SMC4: variants seen among roughly 807,000 people sequenced by gnomAD.
SMC4 encodes structural maintenance of chromosomes 4, also known as structural maintenance of chromosomes protein 4.
Under a neutral mutation model 145.6 loss-of-function variants are expected in SMC4, and 87 were observed. The ratio of observed to expected loss-of-function variants is 0.60; its 90% CI spans 0.50 to 0.71. The LOEUF (loss-of-function observed/expected upper bound fraction) is 0.71, where lower values mean the gene tolerates loss of function less well. Ranked by LOEUF, SMC4 falls within the 30% of genes least tolerant of loss-of-function variation. The pLI is 0.00. For missense variants in SMC4, 1,447 were observed against 1,537.1 expected (o/e 0.94, Z 0.98); for synonymous variants, 558 against 500.7 (o/e 1.11, Z -1.53).
chr3:160,430,664 A>T lies in SMC4; in HGVS notation c.2861A>T (p.Glu954Val), dbSNP rs534719328. 1 of 1,613,724 alleles carries T rather than the reference A, an allele frequency of 6.2e-7. No homozygotes were observed. The highest frequency in any genetic ancestry group is 8.5e-7 in the Non-Finnish European group (1 of 1,179,798). Reference protein sequence around the residue: ...TEKEIKDTEKEVDDLTAELKS... With the variant: ...TEKEIKDTEKVVDDLTAELKS... ...AAAGAAATAAAAGATACTGAGAAAG[A>T]GGTGGATGACCTAACAGCAGAGCTG... The change falls in exon 19 of 24, where the codon GAG (glutamate) becomes GTG (valine). Residue 954 changes from glutamate to valine, a missense_variant. Glu to Val is a moderately radical substitution (Grantham distance 121, BLOSUM62 -2). Transcript: ENST00000357388.
chr3:160,400,543 G>C (rs1714452401), intron 1 of SMC4: 1 of 388,560 alleles, frequency 2.6e-6, no homozygotes, highest in South Asian at 4.8e-5. Context: ...CGGGTGGAGA[G>C]CCTTAAAAAC....
In SMC4 at chr3:160,402,015, TC is replaced by T. The variant is rs1356563652; in HGVS notation, c.241del (p.Arg81GlyfsTer3). The T allele has an allele frequency of 3.7e-6, 6 of 1,602,286 alleles. No individual in the cohort carries two copies. Among genetic ancestry groups the T allele is most frequent in the Non-Finnish European group, 4.3e-6 (5 of 1,175,242 alleles). The part of the protein sequence containing the change: ...PAMTNEAGAP[R>X]LMITHIVNQN... The stretch of plus-strand genomic sequence containing the variant: ...CAATGACCAATGAAGCTGGAGCTCC[TC>T]GGCTTATGATAACTCATATTGTAAA... On this transcript the variant is annotated frameshift_variant, in exon 3 of 24. Coordinates refer to ENST00000357388, the MANE Select transcript of SMC4 (RefSeq NM_001002800.3). LOFTEE classifies it high-confidence loss of function.
chr3:160,410,285 G>C lies in SMC4; in HGVS notation c.688-1635G>C, dbSNP rs115573944. On this transcript the variant is annotated intron_variant, in intron 5 of 23. Coordinates refer to ENST00000357388, the MANE Select transcript of SMC4 (RefSeq NM_001002800.3). ...AAAGCATCTTATAATGCCCAGCATA[G>C]CTCTCCACAACAAAGAATATCCAGC... is the stretch of plus-strand genomic sequence containing the variant. Among the ~76,000 whole-genome samples the C allele has an allele frequency of 5.5e-3, 830 of 152,264 alleles. 7 individuals are homozygous for C. Among genetic ancestry groups the C allele is most frequent in the African/African-American group, 0.019 (803 of 41,550 alleles).
intron 17 of SMC4, among the ~76,000 whole-genome samples, chr3:160,427,513 T>C (rs1009034684): frequency 6.6e-6 from 1 of 152,204 alleles, no homozygotes; most frequent in African/African-American, 2.4e-5. Flanking sequence ...AATGTATATC[T>C]GTGCTATTAA....
chr3:160,420,897 A>G lies in SMC4; in HGVS notation c.2015A>G (p.Asp672Gly). The change falls in exon 13 of 24, where the codon GAT becomes GGT. Residue 672 changes from aspartate to glycine, a missense_variant. Transcript: ENST00000357388. ...GGAGTTGCAACCTTTATAGGTTTAG[A>G]TAAGGTGGGTATTCGTAATAACCTA... is the stretch of plus-strand genomic sequence containing the variant. ...NIGVATFIGL[D>G]KMAVWAKKMT... is the part of the protein sequence containing the mutation. 6.2e-7 allele frequency: 1 copy of G among 1,601,278 alleles called. No homozygotes were observed. The highest frequency in any genetic ancestry group is 8.5e-7 in the Non-Finnish European group (1 of 1,174,914).
intron 15 of SMC4, among the ~76,000 whole-genome samples, chr3:160,424,446 C>A (rs59799252): frequency 0.046 from 6,935 of 152,216 alleles, 222 homozygotes; most frequent in Middle Eastern, 0.078. Context: ...CAAGAAATTA[C>A]TTGACCATCT....
At chr3:160,431,603 AT>A (rs1718414085) in intron 20 of SMC4, 39 bp from the exon 21 acceptor site, 2 of 1,429,368 alleles carry the variant, frequency 1.4e-6, no homozygotes, top group Admixed American at 4.7e-5. Flanking sequence ...TGTATGTAAT[AT>A]TATGCCTTCT....
rs1714488940 is a variant in SMC4, at chr3:160,400,689, GA to G, written c.-5-131del. 11 of 1,177,348 alleles carry G rather than the reference GA, an allele frequency of 9.3e-6. No individual in the cohort carries two copies. In the East Asian group the frequency reaches 3.5e-4, roughly 38 times the overall value. The allele number at this position is 1,177,348 out of a possible 1,614,324, so 72.9% of individuals were successfully genotyped here. A position where few individuals can be genotyped will look rare whatever the true frequency, so the allele number is the denominator to read the frequency against. ...CGTGTCTTTCGATGGCTCCCTTCCC[GA>G]AGTCCCGCTGCCTCTAAGCGGAGTG... On this transcript the variant is annotated intron_variant, in intron 1 of 23. Transcript: ENST00000357388.
In SMC4 at chr3:160,404,340, T is replaced by A. The variant is rs906892984; in HGVS notation, c.523T>A (p.Tyr175Asn). The A allele has an allele frequency of 6.2e-7, 1 of 1,604,460 alleles. No homozygotes were observed. Among genetic ancestry groups the A allele is most frequent in the Non-Finnish European group, 8.5e-7 (1 of 1,177,502 alleles). Residue 175 changes from tyrosine (Y) to asparagine (N), a missense_variant, in exon 5 of 24, where the codon TAT (tyrosine) becomes AAT (asparagine). By Grantham distance (143) the Tyr-to-Asn change is moderately radical (BLOSUM62 -2). Coordinates refer to ENST00000357388, the MANE Select transcript of SMC4 (RefSeq NM_001002800.3). ...QKIIDKEGDD[Y>N]EVIPNSNFYV... ...TTCCTCAAAACAGGAAGGGGATGATTATGAAGTCATTCCTAACAGTAATTT... is the reference window on the plus strand; with the variant it reads ...TTCCTCAAAACAGGAAGGGGATGATAATGAAGTCATTCCTAACAGTAATTT...
In SMC4 at chr3:160,433,971, C is replaced by G; in HGVS notation, c.*162C>G. ...TTTGTAAAGTCTAATAAAATATTCT[C>G]TATAATTGCTTCTAGATTACAAAAA... On this transcript the variant is annotated 3_prime_UTR_variant, in exon 24 of 24. Transcript: ENST00000357388. 2.0e-6 allele frequency: 1 copy of G among 494,942 alleles called. No homozygotes were observed. Among genetic ancestry groups the G allele is most frequent in the Non-Finnish European group, 3.5e-6 (1 of 284,124 alleles). 30.7% of individuals were successfully genotyped at this position (494,942 alleles called of 1,614,324 possible).
At position 160,423,600 on chromosome 3, in the gene SMC4, A is replaced by G. The variant is rs1161073664; in HGVS notation, c.2195A>G (p.Asp732Gly). The change falls in exon 14 of 24, where the codon GAT becomes GGT. Residue 732 changes from aspartate (D) to glycine (G), a missense_variant. Transcript: ENST00000357388. ...GCCACAAGAGTAGCATATCAAAAAGATAGAAGATGGAGAGTGGTAACTTTA... is the reference window on the plus strand; with the variant it reads ...GCCACAAGAGTAGCATATCAAAAAGGTAGAAGATGGAGAGTGGTAACTTTA... ...DQATRVAYQK[D>G]RRWRVVTLQG... 1 of 1,613,782 alleles carries G rather than the reference A, an allele frequency of 6.2e-7. No homozygotes were observed. Among genetic ancestry groups the G allele is most frequent in the South Asian group, 1.1e-5 (1 of 91,072 alleles).
At chr3:160,413,199 G>A (rs1160123907) in intron 7 of SMC4, among the ~76,000 whole-genome samples, 1 of 151,842 alleles carries the variant, frequency 6.6e-6, no homozygotes, top group African/African-American at 2.4e-5. Flanking sequence ...GCCCAAGCTG[G>A]TCTCAAACTT....
At chr3:160,404,763 G>A (rs748289135) in intron 5 of SMC4, 22 of 620,494 alleles carry the variant, frequency 3.5e-5, no homozygotes, top group Admixed American at 2.2e-4. Flanking sequence ...CTAGCAGCAC[G>A]TAAATATTGG....
chr3:160,426,278 G>C, intron 17 of SMC4, 78 bp downstream of exon 17: 1 of 1,054,706 alleles, frequency 9.5e-7, no homozygotes, highest in Non-Finnish European at 1.4e-6. Context: ...AGAAGCAGTA[G>C]AATAATAATA....
intron 6 of SMC4, 99 bp downstream of exon 6, chr3:160,412,183 G>C: frequency 7.0e-7 from 1 of 1,421,054 alleles, no homozygotes; most frequent in South Asian, 1.4e-5. Flanking sequence ...ACTTAATGAA[G>C]AAGTGTTATA....
intron 9 of SMC4, among the ~76,000 whole-genome samples, 191 bp from the exon 10 acceptor site, chr3:160,416,060 A>G (rs1716544303): frequency 1.3e-5 from 2 of 152,206 alleles, no homozygotes; most frequent in East Asian, 1.9e-4. Flanking sequence ...TAGTTTTACT[A>G]TTAGATTGAG....
At position 160,430,605 on chromosome 3, in the gene SMC4, T is replaced by G; in HGVS notation, c.2802T>G (p.Leu934=). The change falls in exon 19 of 24, where the codon CTT becomes CTG. Residue 934 remains leucine, a synonymous_variant. Transcript: ENST00000357388. ...QVAIKTADRN[L]QKAQDSVLRT... ...CATCATTTTGCTTCTTTAGAAACCT[T>G]CAAAAGGCACAAGACTCTGTCTTGC... 6.3e-7 allele frequency: 1 copy of G among 1,581,800 alleles called. No individual in the cohort carries two copies. The highest frequency in any genetic ancestry group is 8.6e-7 in the Non-Finnish European group (1 of 1,167,386).
chr3:160,434,015 A>G lies in SMC4; in HGVS notation c.*206A>G. 2.5e-6 allele frequency: 1 copy of G among 396,990 alleles called. No individual in the cohort carries two copies. Among genetic ancestry groups the G allele is most frequent in the Non-Finnish European group, 4.5e-6 (1 of 224,244 alleles). The allele number at this position is 396,990 out of a possible 1,614,324, so 24.6% of individuals were successfully genotyped here. Reference sequence around the variant, plus strand: ...ACAAAAATATGACAATCTTGTAAGTAGCAGACTATGGAGAAAAATGAGTTA... The same window carrying G: ...ACAAAAATATGACAATCTTGTAAGTGGCAGACTATGGAGAAAAATGAGTTA... On this transcript the variant is annotated 3_prime_UTR_variant, in exon 24 of 24. Coordinates refer to ENST00000357388, the MANE Select transcript of SMC4 (RefSeq NM_001002800.3).
At position 160,426,151 on chromosome 3, in the gene SMC4, CAAAAA is replaced by C; in HGVS notation, c.2560_2564del (p.Lys854AlafsTer9). 1.9e-6 allele frequency: 3 copies of C among 1,600,100 alleles called. No homozygotes were observed. The highest frequency in any genetic ancestry group is 2.6e-6 in the Non-Finnish European group (3 of 1,172,694). ...CTAATGTACTTGCTACAGCCCCTGA[CAAAAA>C]AAAGCAGAAATTGCTAGAAGAAAAC... On this transcript the variant is annotated frameshift_variant, in exon 17 of 24. Coordinates refer to ENST00000357388, the MANE Select transcript of SMC4 (RefSeq NM_001002800.3). LOFTEE classifies it high-confidence loss of function.
Sources: allele counts gnomAD v4.1 joint callset (sites outside exome capture counted in the v4.1 genomes callset), GRCh38; gene constraint gnomAD v4.1.1; transcripts MANE v1.5; gene names NCBI Gene and HGNC (gene_info 2026-07-23, HGNC 2026-07-21).